The following PANK4 variants were observed in gnomAD, a reference collection of about 807,000 sequenced individuals.
PANK4 encodes pantothenate kinase 4 (inactive), also known as 4'-phosphopantetheine phosphatase.
Under a neutral mutation model 87.9 loss-of-function variants are expected in PANK4, and 40 were observed. The ratio of observed to expected loss-of-function variants is 0.46; its 90% CI spans 0.35 to 0.59. The LOEUF is 0.59. Ranked by LOEUF, PANK4 falls within the 20% of genes least tolerant of loss-of-function variation. PANK4 has a pLI of 0.00. For synonymous variants in PANK4, 524 were observed against 467.4 expected, an observed-to-expected ratio of 1.12 and a Z score of -1.56; for missense variants, 926 against 1,072.3, an observed-to-expected ratio of 0.86 and a Z score of 1.90.
At chr1:2,517,635 C>T (rs191265952) in intron 9 of PANK4, among the ~76,000 whole-genome samples, 9 of 152,344 alleles carry the variant, frequency 5.9e-5, no homozygotes, top group Non-Finnish European at 1.3e-4. Context: ...ACATGGGGTG[C>T]GTCTCCTAGC....
chr1:2,521,670 G>T, intron 2 of PANK4, 48 bp downstream of exon 2: 1 of 1,423,804 alleles, frequency 7.0e-7, no homozygotes, highest in South Asian at 1.1e-5. Flanking sequence ...GGTCCAAGAC[G>T]ACAGAGAAGC....
At position 2,514,474 on chromosome 1, in the gene PANK4, C is replaced by A. The variant is rs764448081; in HGVS notation, c.1375-8G>T. On this transcript the variant is annotated splice_region_variant and splice_polypyrimidine_tract_variant and intron_variant, in intron 10 of 18. Transcript: ENST00000378466. ...CACTGCGCGCTTCACTACCTGCCAG[C>A]GACAGAAGGAGGGGGTTAGTCAAGC... 1 of 1,600,302 alleles carries A rather than the reference C, an allele frequency of 6.2e-7. No individual in the cohort carries two copies. Among genetic ancestry groups the A allele is most frequent in the Middle Eastern group, 1.7e-4 (1 of 5,788 alleles).
chr1:2,526,134 T>A (rs903951607), intron 1 of PANK4: 8 of 152,114 alleles, frequency 5.3e-5, no homozygotes, highest in African/African-American at 1.9e-4. Flanking sequence ...CCGCCGACCC[T>A]CCCACCTCGC....
At chr1:2,514,202 T>A in intron 11 of PANK4, 113 bp from the exon 12 acceptor site, 1 of 1,156,720 alleles carries the variant, frequency 8.6e-7, no homozygotes, top group Non-Finnish European at 1.3e-6. Context: ...CAAACGCTGC[T>A]TGAGGCGGGG....
Position 2,515,697 on chromosome 1 carries a change from G to A in PANK4, c.1239C>T (p.Asp413=), listed in dbSNP as rs1038614140. 33 of 1,612,848 alleles carry A rather than the reference G, an allele frequency of 2.0e-5. No individual in the cohort carries two copies. Among genetic ancestry groups the A allele is most frequent in the Non-Finnish European group, 2.8e-5 (33 of 1,179,898 alleles). Residue 413 remains aspartate, a synonymous_variant, in exon 10 of 19, where the codon GAC becomes GAT. Coordinates refer to ENST00000378466, the MANE Select transcript of PANK4 (RefSeq NM_018216.4). The surrounding 1 kb of genome is among the most constrained non-coding windows in gnomAD (Gnocchi z 5.0). ...GGTCAACCAGTGGCCTCTCCAGCCG[G>A]TCCATTTCCAGCAAGTCAAACTGGA... ...RSGTFDLLEM[D]RLERPLVDLP... is the part of the protein sequence containing the mutation.
chr1:2,514,542 C>T (rs1262222615), intron 10 of PANK4, 76 bp from the exon 11 acceptor site: 2 of 545,650 alleles, frequency 3.7e-6, no homozygotes, highest in Non-Finnish European at 2.8e-6. Flanking sequence ...CAGCAGGGGG[C>T]TCGGGGAAGG....
At position 2,519,326 on chromosome 1, in the gene PANK4, T is replaced by G; in HGVS notation, c.854-2A>C. 6.3e-7 allele frequency: 1 copy of G among 1,598,358 alleles called. No individual in the cohort carries two copies. Among genetic ancestry groups the G allele is most frequent in the Non-Finnish European group, 8.5e-7 (1 of 1,170,224 alleles). Reference sequence around the variant, plus strand: ...TCGCCATGTCTTCTTTGGAGAACTCTGAGGAAGGGAAGGAAAAGGCACTCA... The same window carrying G: ...TCGCCATGTCTTCTTTGGAGAACTCGGAGGAAGGGAAGGAAAAGGCACTCA... On this transcript the variant is annotated splice_acceptor_variant, in intron 6 of 18. Transcript: ENST00000378466. LOFTEE classifies it high-confidence loss of function. The surrounding 1 kb of genome is among the most constrained non-coding windows in gnomAD (Gnocchi z 8.3).
At chr1:2,521,961 G>A (rs757395653) in intron 1 of PANK4, 161 bp from the exon 2 acceptor site, 9 of 615,722 alleles carry the variant, frequency 1.5e-5, no homozygotes, top group African/African-American at 1.3e-4. Context: ...CAAAAGAGAG[G>A]ACAGGAAAAC....
rs117915169 is a variant in PANK4 at position 2,522,493 on chromosome 1, G to A, written c.125-693C>T. 2.0e-5 allele frequency among the ~76,000 whole-genome samples: 3 copies of A among 152,316 alleles called. No homozygotes were observed. In the East Asian group the frequency reaches 5.8e-4, roughly 29 times the overall value. On this transcript the variant is annotated intron_variant, in intron 1 of 18. Coordinates refer to ENST00000378466, the MANE Select transcript of PANK4 (RefSeq NM_018216.4). Reference sequence around the variant, plus strand: ...AAAGGTTGAATAAATATCAGGAAATGGAAGGGGCTCTATGTACCTGAACCA... The same window carrying A: ...AAAGGTTGAATAAATATCAGGAAATAGAAGGGGCTCTATGTACCTGAACCA...
Position 2,510,222 on chromosome 1 carries a change from C to A in PANK4, c.1939-65G>T, listed in dbSNP as rs1570530589. On this transcript the variant is annotated intron_variant, in intron 16 of 18. Coordinates refer to ENST00000378466, the MANE Select transcript of PANK4 (RefSeq NM_018216.4). The surrounding 1 kb of genome is among the most constrained non-coding windows in gnomAD (Gnocchi z 4.9). The stretch of plus-strand genomic sequence containing the variant: ...GGCCCAGCATGGAGCCTGCGTGCAC[C>A]CCGGCCTTCGAGTGGCTGGGCTGGG... The A allele has an allele frequency of 3.7e-6, 4 of 1,087,272 alleles. No individual in the cohort carries two copies. Among genetic ancestry groups the A allele is most frequent in the Admixed American group, 2.0e-5 (1 of 50,444 alleles). 67.4% of individuals were successfully genotyped at this position (1,087,272 alleles called of 1,614,324 possible). A position where few individuals can be genotyped will look rare whatever the true frequency, so the allele number is the denominator to read the frequency against.
At position 2,510,870 on chromosome 1, in the gene PANK4, CA is replaced by C; in HGVS notation, c.1834-89del. The C allele has an allele frequency of 2.5e-6, 2 of 812,758 alleles. No individual in the cohort carries two copies. The highest frequency in any genetic ancestry group is 4.3e-6 in the Non-Finnish European group (2 of 468,530). 50.3% of individuals were successfully genotyped at this position (812,758 alleles called of 1,614,324 possible). A position where few individuals can be genotyped will look rare whatever the true frequency, so the allele number is the denominator to read the frequency against. The stretch of plus-strand genomic sequence containing the variant: ...CCCTGCTGCCCGTCACGCTGCCCTG[CA>C]GGGGCCGAGACTGGGGGCTTCAGGG... On this transcript the variant is annotated intron_variant, in intron 15 of 18. Coordinates refer to ENST00000378466, the MANE Select transcript of PANK4 (RefSeq NM_018216.4). This position sits in a 1 kb window ranked among gnomAD's most constrained non-coding sequence, Gnocchi z 4.9.
At chr1:2,514,246 AC>A in intron 11 of PANK4, 107 bp downstream of exon 11, 1 of 1,121,002 alleles carries the variant, frequency 8.9e-7, no homozygotes, top group Non-Finnish European at 1.3e-6. Context: ...GCCCACACCC[AC>A]CCCCAGCGAG....
At position 2,515,271 on chromosome 1, in the gene PANK4, A is replaced by C. The variant is rs1225327986; in HGVS notation, c.1374+291T>G. 1.6e-6 allele frequency: 1 copy of C among 614,132 alleles called. No individual in the cohort carries two copies. The highest frequency in any genetic ancestry group is 3.0e-6 in the Non-Finnish European group (1 of 328,434). 38.0% of individuals were successfully genotyped at this position (614,132 alleles called of 1,614,324 possible). On this transcript the variant is annotated intron_variant, in intron 10 of 18. Coordinates refer to ENST00000378466, the MANE Select transcript of PANK4 (RefSeq NM_018216.4). This position sits in a 1 kb window ranked among gnomAD's most constrained non-coding sequence, Gnocchi z 5.0. ...CCTCAGTCACACCTCAAAAGAGCAG[A>C]GACGTCTCCTAAATTGCTTTTTGAA...
At chr1:2,518,897 G>A (rs974604614) in intron 7 of PANK4, among the ~76,000 whole-genome samples, 5 of 152,228 alleles carry the variant, frequency 3.3e-5, no homozygotes, top group Non-Finnish European at 7.3e-5. Flanking sequence ...TGACCCCAGC[G>A]CAGATCAGCA....
rs1343488040 is a variant in PANK4 at position 2,508,931 on chromosome 1, G to T, written c.2238C>A (p.Ala746=). 2 of 1,610,442 alleles carry T rather than the reference G, an allele frequency of 1.2e-6. No homozygotes were observed. The highest frequency in any genetic ancestry group is 2.2e-5 in the East Asian group (1 of 44,774). ...CGGCCAGCCACGCGTTCTTGATGAC[G>T]GCCAGCTTGAGGCTCTCGCAGCGCA... ...AALRCESLKL[A]VIKNAWLAER... is the part of the protein sequence containing the mutation. Residue 746 remains alanine (A), a synonymous_variant, in exon 19 of 19, where the codon GCC becomes GCA. Coordinates refer to ENST00000378466, the MANE Select transcript of PANK4 (RefSeq NM_018216.4). The surrounding 1 kb of genome is among the most constrained non-coding windows in gnomAD (Gnocchi z 5.1).
Position 2,521,153 on chromosome 1 carries a change from C to A in PANK4, c.370G>T (p.Gly124Trp), listed in dbSNP as rs779324364. The A allele has an allele frequency of 6.2e-7, 1 of 1,613,850 alleles. No homozygotes were observed. Among genetic ancestry groups the A allele is most frequent in the African/African-American group, 1.3e-5 (1 of 74,932 alleles). ...NTETKVIQAT[G>W]GGAYKFKDLI... The stretch of plus-strand genomic sequence containing the variant: ...TCTTTGAACTTGTAGGCCCCGCCCC[C>A]GGTCGCCTGGATGACCTTGGTCTCT... Residue 124 changes from glycine to tryptophan, a missense_variant, in exon 3 of 19, where the codon GGG (glycine) becomes TGG (tryptophan). Gly to Trp is a radical substitution (Grantham distance 184). Transcript: ENST00000378466.
In PANK4 at chr1:2,518,320, GGA is replaced by G. The variant is rs1318688127; in HGVS notation, c.1118-58_1118-57del. ...TAACCTTGCCCTTGATTCAAAAGCA[GGA>G]GAGTGGAGGAGGAAAGGGTATAAAA... On this transcript the variant is annotated intron_variant, in intron 8 of 18. Coordinates refer to ENST00000378466, the MANE Select transcript of PANK4 (RefSeq NM_018216.4). 2.5e-6 allele frequency: 3 copies of G among 1,213,838 alleles called. No homozygotes were observed. In the Admixed American group the frequency reaches 5.5e-5, roughly 22 times the overall value. The allele number at this position is 1,213,838 out of a possible 1,614,324, so 75.2% of individuals were successfully genotyped here.
At chr1:2,523,940 T>A (rs1458900887) in intron 1 of PANK4, among the ~76,000 whole-genome samples, 1 of 152,218 alleles carries the variant, frequency 6.6e-6, no homozygotes, top group Non-Finnish European at 1.5e-5. Context: ...TTTGGTCACC[T>A]GTGCTCTTCA....
chr1:2,519,081 A>G lies in PANK4; in HGVS notation c.1035+62T>C. The G allele has an allele frequency of 6.7e-7, 1 of 1,486,896 alleles. No homozygotes were observed. Among genetic ancestry groups the G allele is most frequent in the South Asian group, 1.2e-5 (1 of 82,560 alleles). The allele number at this position is 1,486,896 out of a possible 1,614,324, so 92.1% of individuals were successfully genotyped here. On this transcript the variant is annotated intron_variant, in intron 7 of 18. Coordinates refer to ENST00000378466, the MANE Select transcript of PANK4 (RefSeq NM_018216.4). This position sits in a 1 kb window ranked among gnomAD's most constrained non-coding sequence, Gnocchi z 8.3. ...GGTGCTGCGGTGTCTAACCAGCATG[A>G]CTGATTGGGAAGATCCTGGGGGGTC...
Sources: gnomAD v4.1 joint callset for allele counts (sites outside exome capture counted in the v4.1 genomes callset) on GRCh38, gnomAD v4.1.1 for gene constraint, Gnocchi (gnomAD v3.1) non-coding constraint, MANE v1.5 for transcripts, NCBI Gene and HGNC (gene_info 2026-07-23, HGNC 2026-07-21) for gene names.